The following INO80D variants were observed in gnomAD, a reference collection of about 807,000 sequenced individuals.
INO80D encodes the protein INO80 complex subunit D.
Under a neutral mutation model 87.6 loss-of-function variants are expected in INO80D, and 21 were observed. The observed-to-expected ratio is 0.24, with a 90% confidence interval of 0.17 to 0.35. INO80D has a LOEUF of 0.35. Among genes scored for constraint, INO80D ranks in the 10% least tolerant of loss-of-function variants. The probability of loss-of-function intolerance (pLI) is 1.00; values close to 1 mark genes in which losing one functional copy is unlikely to be tolerated. For synonymous variants in INO80D, 440 were observed against 491.0 expected (o/e 0.90, Z 1.37); for missense variants, 982 against 1,280.7 (o/e 0.77, Z 3.56).
In INO80D at chr2:205,998,714, G is replaced by A. The variant is rs910188714; in HGVS notation, c.*5654C>T. On this transcript the variant is annotated 3_prime_UTR_variant, in exon 11 of 11. Coordinates refer to ENST00000403263, the MANE Select transcript of INO80D (RefSeq NM_017759.5). Reference sequence around the variant, plus strand: ...ATTCTGAAGCTGAGATGAGAGCCTGGAGGAGAAAGGAAAAAGTCCTATGCA... The same window carrying A: ...ATTCTGAAGCTGAGATGAGAGCCTGAAGGAGAAAGGAAAAAGTCCTATGCA... 4 of 152,240 alleles carry A rather than the reference G, an allele frequency of 2.6e-5. No individual in the cohort carries two copies. The highest frequency in any genetic ancestry group is 7.2e-5 in the African/African-American group (3 of 41,552). The allele number at this position is 152,240 out of a possible 1,614,324, so 9.4% of individuals were successfully genotyped here. A position where few individuals can be genotyped will look rare whatever the true frequency, so the allele number is the denominator to read the frequency against.
At chr2:206,023,365 T>A (rs1370969570) in intron 6 of INO80D, among the ~76,000 whole-genome samples, 1 of 151,962 alleles carries the variant, frequency 6.6e-6, no homozygotes, top group Non-Finnish European at 1.5e-5. Flanking sequence ...AGTTGACTTT[T>A]GTGAACCTAG....
At chr2:206,084,971 G>A (rs911933757) in intron 1 of INO80D, among the ~76,000 whole-genome samples, 1 of 152,186 alleles carries the variant, frequency 6.6e-6, no homozygotes, top group Non-Finnish European at 1.5e-5. Flanking sequence ...AGGGGGAAGG[G>A]GCTGGAGTTA....
chr2:206,071,974 G>T (rs1689983821), intron 1 of INO80D, among the ~76,000 whole-genome samples: 1 of 152,050 alleles, frequency 6.6e-6, no homozygotes, highest in African/African-American at 2.4e-5. Flanking sequence ...GCTGCTTGCT[G>T]CCAGTTTCTC....
In INO80D at chr2:206,007,330, G is replaced by C; in HGVS notation, c.1872C>G (p.Val624=). The change falls in exon 10 of 11, where the codon GTC becomes GTG. Residue 624 remains valine (V), a synonymous_variant. Transcript: ENST00000403263. Reference sequence around the variant, plus strand: ...GTAAGTCATCAGGTAGCCGTGGCAGGACATCTGAAAAGTCCTCCTGGTTCA... The same window carrying C: ...GTAAGTCATCAGGTAGCCGTGGCAGCACATCTGAAAAGTCCTCCTGGTTCA... ...LELNQEDFSD[V]LPRLPDDLQD... 1 of 1,613,700 alleles carries C rather than the reference G, an allele frequency of 6.2e-7. No individual in the cohort carries two copies. The highest frequency in any genetic ancestry group is 2.2e-5 in the East Asian group (1 of 44,878).
intron 5 of INO80D, among the ~76,000 whole-genome samples, chr2:206,031,296 A>G (rs1291000906): frequency 6.6e-6 from 1 of 152,072 alleles, no homozygotes; most frequent in Non-Finnish European, 1.5e-5. Flanking sequence ...GGCCATTATC[A>G]TAAGTGAACT....
chr2:206,059,790 T>G (rs1689636412), intron 3 of INO80D, among the ~76,000 whole-genome samples: 1 of 152,178 alleles, frequency 6.6e-6, no homozygotes, highest in Non-Finnish European at 1.5e-5. Context: ...AGGTTTGAGC[T>G]AGGTCCCATA....
chr2:206,042,780 T>C (rs1477143860), intron 5 of INO80D, among the ~76,000 whole-genome samples: 4 of 150,288 alleles, frequency 2.7e-5, no homozygotes, highest in Non-Finnish European at 4.4e-5. Context: ...AAGCAAGGAG[T>C]TTGAGACCAG....
rs1687774350 is a variant in INO80D, at chr2:205,994,592, A to G, written c.*9776T>C. 1 of 152,176 alleles carries G rather than the reference A, an allele frequency of 6.6e-6. No individual in the cohort carries two copies. Among genetic ancestry groups the G allele is most frequent in the Non-Finnish European group, 1.5e-5 (1 of 68,046 alleles). 9.4% of individuals were successfully genotyped at this position (152,176 alleles called of 1,614,324 possible). ...AGGTTCCAGCTAAGCTACTCAGTAA[A>G]ATGGCTCAAACCCCAGCCTCTCTAT... On this transcript the variant is annotated 3_prime_UTR_variant, in exon 11 of 11. Coordinates refer to ENST00000403263, the MANE Select transcript of INO80D (RefSeq NM_017759.5).
At chr2:206,027,156 GCACA>G (rs34673264) in intron 6 of INO80D, among the ~76,000 whole-genome samples, 4,417 of 151,256 alleles carry the variant, frequency 0.029, 89 homozygotes, top group South Asian at 0.046. Context: ...GCGCGCACGC[GCACA>G]CACACACACA....
chr2:206,073,619 T>A (rs1367576989), intron 1 of INO80D, among the ~76,000 whole-genome samples: 2 of 152,124 alleles, frequency 1.3e-5, no homozygotes, highest in Non-Finnish European at 2.9e-5. Flanking sequence ...GCTCAAGTGA[T>A]CCTTCCACCT....
At chr2:206,017,879 T>G (rs1575806616) in intron 7 of INO80D, 66 bp from the exon 8 acceptor site, 1 of 1,466,788 alleles carries the variant, frequency 6.8e-7, no homozygotes, top group East Asian at 2.3e-5. Flanking sequence ...TATATAAAAT[T>G]TGCTTGTTCC....
chr2:206,037,841 G>A (rs1688931808), intron 5 of INO80D, among the ~76,000 whole-genome samples: 1 of 152,122 alleles, frequency 6.6e-6, no homozygotes, highest in African/African-American at 2.4e-5. Context: ...TCCATCAGTG[G>A]ACAAATGGAT....
At chr2:206,023,639 T>C (rs1199614063) in intron 6 of INO80D, among the ~76,000 whole-genome samples, 2 of 145,270 alleles carry the variant, frequency 1.4e-5, no homozygotes, top group Non-Finnish European at 3.0e-5. Context: ...GCCAAGACTG[T>C]GTCACCACAC....
At chr2:206,034,930 C>G (rs1251095364) in intron 5 of INO80D, among the ~76,000 whole-genome samples, 1 of 152,072 alleles carries the variant, frequency 6.6e-6, no homozygotes, top group Non-Finnish European at 1.5e-5. Context: ...CAATCAGTAG[C>G]TCTTCTATAC....
chr2:206,050,943 C>T (rs897642707), intron 4 of INO80D, among the ~76,000 whole-genome samples: 1 of 150,780 alleles, frequency 6.6e-6, no homozygotes, highest in African/African-American at 2.4e-5. Context: ...CACTACAGCC[C>T]GGGTGACAGA....
rs778650540 is a variant in INO80D, at chr2:206,004,945, G to A, written c.2507C>T (p.Pro836Leu). Residue 836 changes from proline to leucine, a missense_variant, in exon 11 of 11, where the codon CCG (proline) becomes CTG (leucine). Pro to Leu is a moderately conservative substitution (Grantham distance 98, BLOSUM62 -3). Transcript: ENST00000403263. The surrounding 1 kb of genome is among the most constrained non-coding windows in gnomAD (Gnocchi z 4.9). ...HGSHYDSEHV[P>L]SPYSDHITSP... ...GGTGATATGGTCACTGTAGGGAGAC[G>A]GCACATGCTCACTATCATAATGGCT... 17 of 1,613,854 alleles carry A rather than the reference G, an allele frequency of 1.1e-5. No individual in the cohort carries two copies. Among genetic ancestry groups the A allele is most frequent in the Admixed American group, 6.7e-5 (4 of 60,008 alleles).
intron 1 of INO80D, among the ~76,000 whole-genome samples, chr2:206,070,557 T>A (rs1559463793): frequency 6.6e-6 from 1 of 150,440 alleles, no homozygotes; most frequent in Admixed American, 6.6e-5. Flanking sequence ...TGTCTCTACT[T>A]AAAATACAAA....
intron 8 of INO80D, among the ~76,000 whole-genome samples, chr2:206,012,232 T>C (rs1688194828): frequency 6.6e-6 from 1 of 152,100 alleles, no homozygotes; most frequent in African/African-American, 2.4e-5. Flanking sequence ...AATAGATCAG[T>C]GGGGATGGAG....
At chr2:206,012,945 A>C (rs1252190470) in intron 8 of INO80D, among the ~76,000 whole-genome samples, 1 of 151,450 alleles carries the variant, frequency 6.6e-6, no homozygotes, top group African/African-American at 2.4e-5. Context: ...TCATAGGAGC[A>C]CTGATGGGGT....
Sources: gnomAD v4.1 joint callset for allele counts (sites outside exome capture counted in the v4.1 genomes callset) on GRCh38, gnomAD v4.1.1 for gene constraint, Gnocchi (gnomAD v3.1) non-coding constraint, MANE v1.5 for transcripts, NCBI Gene and HGNC (gene_info 2026-07-23, HGNC 2026-07-21) for gene names.